Variants in CCDC88C observed in about 807,000 individuals in gnomAD.
CCDC88C encodes protein Daple.
Under a neutral mutation model 198.8 loss-of-function variants are expected in CCDC88C, and 131 were observed. The observed-to-expected ratio is 0.66, with a 90% CI of 0.57 to 0.76. The LOEUF is 0.76. Among genes scored for constraint, CCDC88C ranks in the 30% least tolerant of loss-of-function variants. The pLI, the probability that CCDC88C is intolerant of heterozygous loss-of-function variation, is 0.00. For missense variants in CCDC88C, 2,553 were observed against 2,631.6 expected (o/e 0.97, Z 0.65); for synonymous variants, 1,166 against 1,114.7 (o/e 1.05, Z -0.92).
chr14:91,289,008 C>A, intron 25 of CCDC88C, 97 bp downstream of exon 25: 1 of 981,406 alleles, frequency 1.0e-6, no homozygotes, highest in South Asian at 1.4e-5. Flanking sequence ...TCACCCACCC[C>A]TGGCACGTTC....
At chr14:91,360,252 T>TCACACACACACA (rs57026211) in intron 3 of CCDC88C, among the ~76,000 whole-genome samples, 3,521 of 144,252 alleles carry the variant, frequency 0.024, 57 homozygotes, top group Non-Finnish European at 0.031. Context: ...GACCCCATCT[T>TCACACACACACA]CACACACACA....
chr14:91,415,204 GC>G (rs1313062453), intron 2 of CCDC88C, among the ~76,000 whole-genome samples: 1 of 152,064 alleles, frequency 6.6e-6, no homozygotes, highest in East Asian at 1.9e-4. Context: ...GGGGAGAGTG[GC>G]CAGAACTCGA....
chr14:91,359,674 T>C lies in CCDC88C; in HGVS notation c.308A>G (p.Asn103Ser), dbSNP rs1455378745. 26 of 1,610,168 alleles carry C rather than the reference T, an allele frequency of 1.6e-5. No individual in the cohort carries two copies. Among genetic ancestry groups the C allele is most frequent in the Admixed American group, 1.5e-4 (9 of 59,518 alleles). ...TGGGTCTCTGCCAATCATCAAAACA[T>C]TGGGCAAATTCATTACAATCAGCTG... is the stretch of plus-strand genomic sequence containing the variant. Reference protein sequence around the residue: ...LQQLIVMNLPNVLMIGRDPLS... With the variant: ...LQQLIVMNLPSVLMIGRDPLS... Residue 103 changes from asparagine (N) to serine (S), a missense_variant, in exon 4 of 30, where the codon AAT (asparagine) becomes AGT (serine). Transcript: ENST00000389857.
At chr14:91,351,674 C>T (rs965177515) in intron 4 of CCDC88C, among the ~76,000 whole-genome samples, 5 of 152,046 alleles carry the variant, frequency 3.3e-5, no homozygotes, top group African/African-American at 7.2e-5. Context: ...ATTTATCAAA[C>T]GTGGACTCTG....
chr14:91,313,569 C>T lies in CCDC88C; in HGVS notation c.2247G>A (p.Ala749=), dbSNP rs750426113. The T allele has an allele frequency of 3.4e-5, 54 of 1,611,604 alleles. No individual in the cohort carries two copies. The highest frequency in any genetic ancestry group is 4.5e-5 in the East Asian group (2 of 44,896). The part of the protein sequence containing the change: ...ELRKNVDLLK[A]LGKKSERLEL... ...CCAGGCGCTCTGACTTCTTGCCCAG[C>T]GCCTTGAGCAGATCCACGTTCTTCC... The change falls in exon 15 of 30, where the codon GCG becomes GCA. Residue 749 remains alanine, a synonymous_variant. Transcript: ENST00000389857. The surrounding 1 kb of genome is among the most constrained non-coding windows in gnomAD (Gnocchi z 5.2).
At chr14:91,297,026 G>A (rs1408674052) in intron 22 of CCDC88C, among the ~76,000 whole-genome samples, 4 of 152,204 alleles carry the variant, frequency 2.6e-5, no homozygotes, top group Non-Finnish European at 5.9e-5. Context: ...ACAGCTAAGA[G>A]GATCGAGATA....
chr14:91,313,622 G>T lies in CCDC88C; in HGVS notation c.2194C>A (p.Gln732Lys), dbSNP rs749492852. 9 of 1,612,648 alleles carry T rather than the reference G, an allele frequency of 5.6e-6. No individual in the cohort carries two copies. The highest frequency in any genetic ancestry group is 5.1e-6 in the Non-Finnish European group (6 of 1,179,878). The change falls in exon 15 of 30, where the codon CAG (glutamine) becomes AAG (lysine). Residue 732 changes from glutamine to lysine, a missense_variant. Physicochemically the swap from Gln to Lys is moderately conservative, Grantham distance 53. This residue lies in a region of CCDC88C where 1,260 missense variants were observed against 1,412.0 expected (regional missense o/e 0.89). Transcript: ENST00000389857. The surrounding 1 kb of genome is among the most constrained non-coding windows in gnomAD (Gnocchi z 5.2). ...KLAQMERENQ[Q>K]LEREKEELRK... Reference sequence around the variant, plus strand: ...AGCTCCTCCTTCTCACGCTCCAGCTGCTGGTTCTCCCTCTCCATCTGTGCC... The same window carrying T: ...AGCTCCTCCTTCTCACGCTCCAGCTTCTGGTTCTCCCTCTCCATCTGTGCC...
chr14:91,325,719 C>T lies in CCDC88C; in HGVS notation c.1197+191G>A, dbSNP rs1892556925. On this transcript the variant is annotated intron_variant, in intron 11 of 29. Transcript: ENST00000389857. This position sits in a 1 kb window ranked among gnomAD's most constrained non-coding sequence, Gnocchi z 4.1. ...AGTCTCTCCCAAGTAGATGGAACTACAGGCTCACACCACCATGCCCAATTA... is the reference window on the plus strand; with the variant it reads ...AGTCTCTCCCAAGTAGATGGAACTATAGGCTCACACCACCATGCCCAATTA... Among the ~76,000 whole-genome samples the T allele has an allele frequency of 6.6e-6, 1 of 152,176 alleles. No homozygotes were observed. Among genetic ancestry groups the T allele is most frequent in the Admixed American group, 6.5e-5 (1 of 15,278 alleles).
chr14:91,307,487 T>A (rs1891608926), intron 17 of CCDC88C, among the ~76,000 whole-genome samples: 1 of 152,212 alleles, frequency 6.6e-6, no homozygotes, highest in African/African-American at 2.4e-5. Flanking sequence ...GCTTTAGCCA[T>A]GTGGCTTCCT....
chr14:91,276,307 T>A lies in CCDC88C; in HGVS notation c.5058+1615A>T, dbSNP rs556975933. Among the ~76,000 whole-genome samples, 106 of 152,326 alleles carry A rather than the reference T, an allele frequency of 7.0e-4. 1 individual carries two copies. The highest frequency in any genetic ancestry group is 1.2e-3 in the Non-Finnish European group (82 of 68,034). ...ACGCCTGAGTTTGAGAACCACAACA[T>A]TAGACCGCTAACTTCTCGAGGGCAG... is the stretch of plus-strand genomic sequence containing the variant. On this transcript the variant is annotated intron_variant, in intron 29 of 29. Transcript: ENST00000389857.
At chr14:91,320,212 A>C (rs28793366) in intron 13 of CCDC88C, among the ~76,000 whole-genome samples, 2 of 152,162 alleles carry the variant, frequency 1.3e-5, no homozygotes, top group African/African-American at 2.4e-5. Flanking sequence ...GGAACCAACC[A>C]TGTTATTAGA....
intron 4 of CCDC88C, among the ~76,000 whole-genome samples, chr14:91,351,950 C>T (rs978916003): frequency 1.8e-4 from 27 of 152,166 alleles, no homozygotes; most frequent in Non-Finnish European, 2.9e-4. Flanking sequence ...AAGCTGAGAG[C>T]GAATTCATTT....
chr14:91,278,048 C>A lies in CCDC88C; in HGVS notation c.4932G>T (p.Glu1644Asp). ...PLPRNGPLPQ[E>D]GAQKRGTAPP... ...GGGCTGTGCCCCTCTTCTGGGCACC[C>A]TCCTGTGGGAGAGGCCCGTTCCGAG... Residue 1644 changes from glutamate to aspartate, a missense_variant, in exon 29 of 30, where the codon GAG becomes GAT. Coordinates refer to ENST00000389857, the MANE Select transcript of CCDC88C (RefSeq NM_001080414.4). 2 of 1,609,250 alleles carry A rather than the reference C, an allele frequency of 1.2e-6. No individual in the cohort carries two copies. The highest frequency in any genetic ancestry group is 1.7e-6 in the Non-Finnish European group (2 of 1,177,942).
chr14:91,355,409 G>A (rs1894001074), intron 4 of CCDC88C, among the ~76,000 whole-genome samples: 1 of 152,182 alleles, frequency 6.6e-6, no homozygotes, highest in Non-Finnish European at 1.5e-5. Flanking sequence ...GTGAGGGCGG[G>A]GTTCAAGCAG....
chr14:91,390,254 C>T (rs780205742), intron 3 of CCDC88C, among the ~76,000 whole-genome samples: 17 of 152,098 alleles, frequency 1.1e-4, no homozygotes, highest in Non-Finnish European at 1.5e-4. Flanking sequence ...AGTAGATGCC[C>T]GATTCTGCTC....
chr14:91,367,388 A>G lies in CCDC88C; in HGVS notation c.271-7677T>C, dbSNP rs139824127. 7.4e-3 allele frequency among the ~76,000 whole-genome samples: 1,131 copies of G among 152,308 alleles called. 19 individuals are homozygous for G. Among genetic ancestry groups the G allele is most frequent in the African/African-American group, 0.025 (1,056 of 41,558 alleles). ...CCACAAAGAATGCCGCTGTTGACCC[A>G]CACACGCTAACAGTCAAGACTGAAA... is the stretch of plus-strand genomic sequence containing the variant. On this transcript the variant is annotated intron_variant, in intron 3 of 29. Coordinates refer to ENST00000389857, the MANE Select transcript of CCDC88C (RefSeq NM_001080414.4).
At chr14:91,384,411 C>A (rs547922159) in intron 3 of CCDC88C, 36 of 514,372 alleles carry the variant, frequency 7.0e-5, no homozygotes, top group Admixed American at 1.6e-4. Flanking sequence ...GAAGGTAGAC[C>A]ATCCTGCTTC....
chr14:91,315,899 AAGG>A, intron 13 of CCDC88C, 112 bp from the exon 14 acceptor site: 1 of 1,104,566 alleles, frequency 9.1e-7, no homozygotes, highest in Non-Finnish European at 1.3e-6. Flanking sequence ...GTCTTTTCTC[AAGG>A]GAAGACCTCC....
chr14:91,313,005 C>A lies in CCDC88C; in HGVS notation c.2736+75G>T. On this transcript the variant is annotated intron_variant, in intron 15 of 29. Transcript: ENST00000389857. The surrounding 1 kb of genome is among the most constrained non-coding windows in gnomAD (Gnocchi z 5.2). Reference sequence around the variant, plus strand: ...GGAGGACACAGAGTCTTATTTCTCTCCTGAAACCATGCACCACAGAACCCA... The same window carrying A: ...GGAGGACACAGAGTCTTATTTCTCTACTGAAACCATGCACCACAGAACCCA... The A allele has an allele frequency of 1.7e-6, 2 of 1,152,312 alleles. No individual in the cohort carries two copies. Among genetic ancestry groups the A allele is most frequent in the Non-Finnish European group, 1.2e-6 (1 of 812,972 alleles). The allele number at this position is 1,152,312 out of a possible 1,614,324, so 71.4% of individuals were successfully genotyped here.
Sources: allele counts gnomAD v4.1 joint callset (sites outside exome capture counted in the v4.1 genomes callset), GRCh38; gene constraint gnomAD v4.1.1; regional missense constraint gnomAD v4.1.1; non-coding constraint Gnocchi (gnomAD v3.1); transcripts MANE v1.5; gene names NCBI Gene and HGNC (gene_info 2026-07-23, HGNC 2026-07-21).